The following COL17A1 variants were observed in gnomAD, a reference collection of about 807,000 sequenced individuals.
COL17A1 encodes the protein collagen type XVII alpha 1 chain.
In COL17A1, 181 loss-of-function variants were observed where a neutral mutation model predicts 218.4. The observed-to-expected ratio is 0.83, with a 90% CI of 0.73 to 0.94. COL17A1 has a LOEUF of 0.94. COL17A1 is among the 40% of genes least tolerant of loss of function. The probability of loss-of-function intolerance (pLI) is 0.00; values close to 1 mark genes in which losing one functional copy is unlikely to be tolerated. For missense variants in COL17A1, 1,924 were observed against 1,945.9 expected (o/e 0.99, Z 0.21); for synonymous variants, 721 against 731.0 (o/e 0.99, Z 0.22).
At position 104,037,622 on chromosome 10, in the gene COL17A1, G is replaced by C; in HGVS notation, c.3208+14C>G. 6.2e-7 allele frequency: 1 copy of C among 1,614,032 alleles called. No individual in the cohort carries two copies. The highest frequency in any genetic ancestry group is 1.7e-4 in the Middle Eastern group (1 of 6,008). ...GAGGAAGGTGCCAGGTGCAGGGCGT[G>C]GGGAAGGGCTTACTCCGTAAGTAGC... On this transcript the variant is annotated intron_variant, in intron 46 of 55. Transcript: ENST00000648076.
At chr10:104,063,569 AC>A in intron 11 of COL17A1, 177 bp downstream of exon 11, 7 of 985,292 alleles carry the variant, frequency 7.1e-6, no homozygotes, top group Non-Finnish European at 9.3e-6. Context: ...CTCGCCTGAG[AC>A]TTTTCCCTTG....
chr10:104,065,914 A>G (rs369610837), intron 9 of COL17A1, among the ~76,000 whole-genome samples: 1 of 152,214 alleles, frequency 6.6e-6, no homozygotes, highest in Non-Finnish European at 1.5e-5. Context: ...GTCCATTTCC[A>G]AGACAAAGTT....
chr10:104,060,724 T>A (rs1474789678), intron 13 of COL17A1, among the ~76,000 whole-genome samples: 1 of 152,200 alleles, frequency 6.6e-6, no homozygotes, highest in Non-Finnish European at 1.5e-5. Flanking sequence ...CACACTCCTA[T>A]CTCTACCACA....
chr10:104,032,604 C>G, intron 55 of COL17A1, 70 bp downstream of exon 55: 1 of 1,486,950 alleles, frequency 6.7e-7, no homozygotes. Context: ...AACAAATCAC[C>G]TGCTTCTCTA....
intron 6 of COL17A1, 88 bp from the exon 7 acceptor site, chr10:104,073,333 G>T: frequency 8.3e-7 from 1 of 1,203,746 alleles, no homozygotes; most frequent in East Asian, 2.3e-5. Context: ...ATTTGGGGAG[G>T]GGTTACTTTC....
Position 104,037,060 on chromosome 10 carries a change from G to A in COL17A1, c.3262C>T (p.Leu1088=), listed in dbSNP as rs1478844117. 1.2e-6 allele frequency: 2 copies of A among 1,606,960 alleles called. No individual in the cohort carries two copies. Among genetic ancestry groups the A allele is most frequent in the South Asian group, 2.2e-5 (2 of 89,406 alleles). The change falls in exon 47 of 56, where the codon CTG becomes TTG. Residue 1088 remains leucine, a synonymous_variant. Coordinates refer to ENST00000648076, the MANE Select transcript of COL17A1 (RefSeq NM_000494.4). ...GGTGACTCACGCTGCAGCACAGCCA[G>A]AATGTCTTCAGAAGAGATGGAGGAC... ...FSSSISSEDI[L]AVLQRDDVRQ...
chr10:104,043,661 G>C (rs1589561307), intron 34 of COL17A1, 80 bp from the exon 35 acceptor site: 2 of 1,530,698 alleles, frequency 1.3e-6, no homozygotes, highest in Middle Eastern at 1.8e-4. Context: ...GGTTGTGGTG[G>C]GCAGCCTGGC....
In COL17A1 at chr10:104,036,117, TGGGA is replaced by T. The variant is rs1261551172; in HGVS notation, c.3418+371_3418+374del. On this transcript the variant is annotated intron_variant, in intron 48 of 55. Coordinates refer to ENST00000648076, the MANE Select transcript of COL17A1 (RefSeq NM_000494.4). ...GTGTGTGTATGGGAGTGTGTGTGTA[TGGGA>T]GTGTGTGTATATGTGTGTGTATGGG... Among the ~76,000 whole-genome samples, 16 of 106,350 alleles carry T rather than the reference TGGGA, an allele frequency of 1.5e-4. 5 individuals are homozygous for T. Among genetic ancestry groups the T allele is most frequent in the Non-Finnish European group, 2.0e-4 (10 of 50,010 alleles). The allele number at this position is 106,350 out of a possible 152,430, so 69.8% of individuals were successfully genotyped here.
Position 104,037,712 on chromosome 10 carries a change from TG to T in COL17A1, c.3131del (p.Pro1044GlnfsTer22). The part of the protein sequence containing the change: ...VQGPPGPPGP[P>X]GPVTTITGET... ...CGCCTGTGATGGTGGTGACAGGTCC[TG>T]GGGGACCAGGTGGGCCTGGGGGACC... On this transcript the variant is annotated frameshift_variant, in exon 46 of 56. Coordinates refer to ENST00000648076, the MANE Select transcript of COL17A1 (RefSeq NM_000494.4). LOFTEE classifies it high-confidence loss of function. 1 of 1,614,098 alleles carries T rather than the reference TG, an allele frequency of 6.2e-7. No individual in the cohort carries two copies. The highest frequency in any genetic ancestry group is 8.5e-7 in the Non-Finnish European group (1 of 1,179,966).
At position 104,066,067 on chromosome 10, in the gene COL17A1, T is replaced by G. The variant is rs115168095; in HGVS notation, c.608-1471A>C. Reference sequence around the variant, plus strand: ...TTCCCTCACTCAGACCAAAGAAGTTTAGTCTAAGGTAAAAGTTTACTAGAC... The same window carrying G: ...TTCCCTCACTCAGACCAAAGAAGTTGAGTCTAAGGTAAAAGTTTACTAGAC... On this transcript the variant is annotated intron_variant, in intron 9 of 55. Transcript: ENST00000648076. Among the ~76,000 whole-genome samples the G allele has an allele frequency of 9.7e-3, 1,482 of 152,328 alleles. 25 individuals are homozygous for G. Among genetic ancestry groups the G allele is most frequent in the African/African-American group, 0.034 (1,422 of 41,580 alleles).
At chr10:104,060,870 C>G (rs1401037496) in intron 13 of COL17A1, among the ~76,000 whole-genome samples, 1 of 152,244 alleles carries the variant, frequency 6.6e-6, no homozygotes, top group Non-Finnish European at 1.5e-5. Context: ...CACTGCTGTA[C>G]TGTCAGCACT....
intron 48 of COL17A1, 57 bp downstream of exon 48, chr10:104,036,435 A>G: frequency 1.2e-6 from 2 of 1,611,028 alleles, no homozygotes; most frequent in Non-Finnish European, 1.7e-6. Context: ...TCACGCTGCG[A>G]GTCCTCATCC....
Position 104,064,432 on chromosome 10 carries a change from A to G in COL17A1, c.766+6T>C. ...TGAGAGAGGGTGTGGGCTGCCCGCC[A>G]GGTACCTGATCCCGCAGAGTAGGCA... On this transcript the variant is annotated splice_donor_region_variant and intron_variant, in intron 10 of 55. Transcript: ENST00000648076. 3.7e-6 allele frequency: 6 copies of G among 1,614,084 alleles called. No homozygotes were observed. Among genetic ancestry groups the G allele is most frequent in the Non-Finnish European group, 5.1e-6 (6 of 1,180,018 alleles).
rs1456917432 is a variant in COL17A1 at position 104,034,637 on chromosome 10, C to G, written c.3750G>C (p.Leu1250=). The change falls in exon 51 of 56, where the codon CTG becomes CTC. Residue 1250 remains leucine, a synonymous_variant. Coordinates refer to ENST00000648076, the MANE Select transcript of COL17A1 (RefSeq NM_000494.4). The stretch of plus-strand genomic sequence containing the variant: ...GGCACCTACTTGTGAGGTAGCTGAT[C>G]AGCTCGCTCCGGAAGCTGTCGCTGT... ...AENSDSFRSE[L]ISYLTSPDVR... is the part of the protein sequence containing the mutation. 1 of 1,610,282 alleles carries G rather than the reference C, an allele frequency of 6.2e-7. No homozygotes were observed. Among genetic ancestry groups the G allele is most frequent in the East Asian group, 2.2e-5 (1 of 44,750 alleles).
At position 104,032,238 on chromosome 10, in the gene COL17A1, C is replaced by T. The variant is rs777427203; in HGVS notation, c.4491G>A (p.Pro1497=). ...GAGCTGTCCTGCCATGGCTAGCTCACGGCTTGACAGCAATACTTCTTCTCC... is the reference window on the plus strand; with the variant it reads ...GAGCTGTCCTGCCATGGCTAGCTCATGGCTTGACAGCAATACTTCTTCTCC... ...RRRRRSIAVK[P] Residue 1497 remains proline (P), a synonymous_variant, in exon 56 of 56, where the codon CCG becomes CCA. Coordinates refer to ENST00000648076, the MANE Select transcript of COL17A1 (RefSeq NM_000494.4). The T allele has an allele frequency of 1.2e-5, 19 of 1,613,394 alleles. No homozygotes were observed. Among genetic ancestry groups the T allele is most frequent in the Admixed American group, 3.3e-5 (2 of 60,012 alleles).
In COL17A1 at chr10:104,034,058, C is replaced by T. The variant is rs754608723; in HGVS notation, c.4043G>A (p.Gly1348Glu). The T allele has an allele frequency of 6.2e-7, 1 of 1,614,160 alleles. No individual in the cohort carries two copies. Among genetic ancestry groups the T allele is most frequent in the East Asian group, 2.2e-5 (1 of 44,884 alleles). ...ATACATGCCGCCTTCTGCTGCTGCC[C>T]CATAGCCTCCGCCTGGGCCGATGTC... Reference protein sequence around the residue: ...GTDIGPGGGYGAAAEGGMYAG... With the variant: ...GTDIGPGGGYEAAAEGGMYAG... The change falls in exon 52 of 56, where the codon GGG becomes GAG. Residue 1348 changes from glycine to glutamate, a missense_variant. Transcript: ENST00000648076.
In COL17A1 at chr10:104,080,087, A is replaced by G. The variant is rs145606031; in HGVS notation, c.52+535T>C. On this transcript the variant is annotated intron_variant, in intron 2 of 55. Coordinates refer to ENST00000648076, the MANE Select transcript of COL17A1 (RefSeq NM_000494.4). ...TTTCCTAACTAAAACTTTCAAGTCT[A>G]TGGAGCCAGAATTTTTTTTTTATTG... is the stretch of plus-strand genomic sequence containing the variant. 5.3e-3 allele frequency among the ~76,000 whole-genome samples: 807 copies of G among 152,298 alleles called. 9 individuals carry two copies. The highest frequency in any genetic ancestry group is 0.019 in the African/African-American group (777 of 41,550).
At chr10:104,047,987 A>G (rs1351149835) in intron 30 of COL17A1, 82 bp downstream of exon 30, 1 of 1,540,732 alleles carries the variant, frequency 6.5e-7, no homozygotes, top group East Asian at 2.2e-5. Context: ...CCTCTGCACT[A>G]TGGTTAAGGG....
At position 104,079,218 on chromosome 10, in the gene COL17A1, G is replaced by C. The variant is rs571378715; in HGVS notation, c.53-632C>G. On this transcript the variant is annotated intron_variant, in intron 2 of 55. Coordinates refer to ENST00000648076, the MANE Select transcript of COL17A1 (RefSeq NM_000494.4). ...CCTTGGCCTCTGAAATTTAGTTCCTGTAGGTCTGAGAGATGGTGAATCCAT... is the reference window on the plus strand; with the variant it reads ...CCTTGGCCTCTGAAATTTAGTTCCTCTAGGTCTGAGAGATGGTGAATCCAT... Among the ~76,000 whole-genome samples, 155 of 152,278 alleles carry C rather than the reference G, an allele frequency of 1.0e-3. 2 individuals are homozygous for C. Among genetic ancestry groups the C allele is most frequent in the South Asian group, 8.3e-3 (40 of 4,816 alleles).
Sources: allele counts gnomAD v4.1 joint callset (sites outside exome capture counted in the v4.1 genomes callset), GRCh38; gene constraint gnomAD v4.1.1; transcripts MANE v1.5; gene names NCBI Gene and HGNC (gene_info 2026-07-23, HGNC 2026-07-21).